The following GRIK2 variants were observed in gnomAD, a reference collection of about 807,000 sequenced individuals.
GRIK2 encodes glutamate ionotropic receptor kainate type subunit 2.
In GRIK2, 32 loss-of-function variants were observed where a neutral mutation model predicts 100.3. The ratio of observed to expected loss-of-function variants is 0.32; its 90% confidence interval spans 0.24 to 0.43. The LOEUF (loss-of-function observed/expected upper bound fraction) is 0.43, where lower values mean the gene tolerates loss of function less well. GRIK2 is among the 20% of genes least tolerant of loss of function. The pLI is 1.00. For synonymous variants in GRIK2, 417 were observed against 389.4 expected (o/e 1.07, Z -0.83); for missense variants, 843 against 1,114.9 (o/e 0.76, Z 3.47).
At chr6:101,767,753 G>A (rs1308962658) in intron 7 of GRIK2, among the ~76,000 whole-genome samples, 3 of 151,954 alleles carry the variant, frequency 2.0e-5, no homozygotes, top group African/African-American at 7.3e-5. Context: ...ATATAATTCT[G>A]TACTATTACA....
intron 2 of GRIK2, among the ~76,000 whole-genome samples, chr6:101,561,811 T>C (rs964002255): frequency 6.6e-6 from 1 of 152,092 alleles, no homozygotes; most frequent in African/African-American, 2.4e-5. Flanking sequence ...ACAAAAATAT[T>C]TTGGACAAAG....
At chr6:101,546,848 G>GTTTTTTTTTTTTT (rs1562216462) in intron 2 of GRIK2, among the ~76,000 whole-genome samples, 1 of 77,310 alleles carries the variant, frequency 1.3e-5, no homozygotes, top group African/African-American at 4.9e-5. Flanking sequence ...TTTTTTTTTT[G>GTTTTTTTTTTTTT]GAGACGGAGT....
chr6:101,480,389 G>A (rs1289274248), intron 2 of GRIK2, among the ~76,000 whole-genome samples: 1 of 151,990 alleles, frequency 6.6e-6, no homozygotes, highest in Non-Finnish European at 1.5e-5. Flanking sequence ...AAACTTCATA[G>A]CATTCCATTG....
chr6:101,739,560 C>T (rs1487636901), intron 7 of GRIK2, among the ~76,000 whole-genome samples: 1 of 152,054 alleles, frequency 6.6e-6, no homozygotes, highest in African/African-American at 2.4e-5. Context: ...GACTAGTCTA[C>T]CTTCTTAATT....
At position 102,053,115 on chromosome 6, in the gene GRIK2, T is replaced by C. The variant is rs62423100; in HGVS notation, c.2312-2215T>C. 5.1e-4 allele frequency among the ~76,000 whole-genome samples: 56 copies of C among 109,922 alleles called. 1 individual carries two copies. The highest frequency in any genetic ancestry group is 0.011 in the Middle Eastern group (2 of 188). 72.1% of individuals were successfully genotyped at this position (109,922 alleles called of 152,430 possible). ...CAACACACACACACACACACACACATACATACACACACAAAGAAAAGAAAT... is the reference window on the plus strand; with the variant it reads ...CAACACACACACACACACACACACACACATACACACACAAAGAAAAGAAAT... On this transcript the variant is annotated intron_variant, in intron 15 of 16. Transcript: ENST00000369134.
At chr6:101,802,306 TATCA>T in intron 8 of GRIK2, 21 bp from the exon 9 acceptor site, 4 of 928,046 alleles carry the variant, frequency 4.3e-6, no homozygotes, top group Middle Eastern at 2.3e-4. Flanking sequence ...ACTTATTTAT[TATCA>T]ATGTTTTTCT....
At chr6:101,980,062 G>T (rs1468767971) in intron 14 of GRIK2, among the ~76,000 whole-genome samples, 1 of 151,816 alleles carries the variant, frequency 6.6e-6, no homozygotes, top group Non-Finnish European at 1.5e-5. Flanking sequence ...ACATTTTTTC[G>T]AAAGGATGCT....
chr6:101,799,567 C>T (rs1583175420), intron 7 of GRIK2, 81 bp from the exon 8 acceptor site: 2 of 1,049,950 alleles, frequency 1.9e-6, no homozygotes, highest in East Asian at 4.7e-5. Context: ...CTTACCTCTT[C>T]CCTCTTCCTC....
At chr6:101,827,469 T>TA (rs1348784860) in intron 10 of GRIK2, among the ~76,000 whole-genome samples, 5 of 146,060 alleles carry the variant, frequency 3.4e-5, no homozygotes, top group African/African-American at 8.2e-5. Flanking sequence ...CACATTGGAT[T>TA]AAAAAAACAA....
intron 10 of GRIK2, 135 bp from the exon 11 acceptor site, chr6:101,859,146 TTAATTA>T: frequency 1.7e-6 from 1 of 572,750 alleles, no homozygotes; most frequent in Non-Finnish European, 3.1e-6. Flanking sequence ...CTAGACTTCA[TTAATTA>T]TAATTAGAAG....
chr6:101,813,166 C>T (rs1781441406), intron 9 of GRIK2, among the ~76,000 whole-genome samples: 1 of 151,844 alleles, frequency 6.6e-6, no homozygotes, highest in South Asian at 2.1e-4. Context: ...CACACATATA[C>T]ACACACATAT....
intron 9 of GRIK2, among the ~76,000 whole-genome samples, chr6:101,805,790 G>A (rs1049155093): frequency 2.7e-4 from 41 of 152,030 alleles, no homozygotes; most frequent in African/African-American, 8.9e-4. Flanking sequence ...CATAATGTTC[G>A]GAAACATGAA....
chr6:101,900,158 A>G (rs1787746780), intron 12 of GRIK2, among the ~76,000 whole-genome samples: 1 of 152,138 alleles, frequency 6.6e-6, no homozygotes, highest in Non-Finnish European at 1.5e-5. Flanking sequence ...TCATCCACCT[A>G]AGAATTTAAA....
At chr6:101,927,141 C>G (rs1020351623) in intron 13 of GRIK2, among the ~76,000 whole-genome samples, 5 of 151,924 alleles carry the variant, frequency 3.3e-5, no homozygotes, top group Non-Finnish European at 5.9e-5. Context: ...CCAAGTTTGT[C>G]TGCTTTTAAA....
At chr6:101,590,045 T>G (rs1162054346) in intron 2 of GRIK2, among the ~76,000 whole-genome samples, 1 of 152,142 alleles carries the variant, frequency 6.6e-6, no homozygotes, top group Non-Finnish European at 1.5e-5. Flanking sequence ...TTTTCCTGTC[T>G]ATGGAATATA....
chr6:101,904,750 C>A (rs563662099), intron 12 of GRIK2, among the ~76,000 whole-genome samples: 6 of 151,548 alleles, frequency 4.0e-5, no homozygotes, highest in South Asian at 2.1e-4. Flanking sequence ...AGTATTATTA[C>A]CTTCTGTGGT....
chr6:101,826,255 G>A (rs1054809511), intron 10 of GRIK2, among the ~76,000 whole-genome samples: 3 of 152,046 alleles, frequency 2.0e-5, no homozygotes, highest in African/African-American at 7.2e-5. Context: ...ATTATTTTTA[G>A]AGTCTGCTTT....
At chr6:101,595,128 C>T (rs959057400) in intron 2 of GRIK2, among the ~76,000 whole-genome samples, 2 of 150,666 alleles carry the variant, frequency 1.3e-5, no homozygotes, top group East Asian at 3.9e-4. Flanking sequence ...CCACTTTTGA[C>T]AATGTGATGA....
chr6:101,815,996 TGAAACTAGAGAAGTATTTTCA>T (rs1387941656), intron 9 of GRIK2, among the ~76,000 whole-genome samples: 1 of 152,140 alleles, frequency 6.6e-6, no homozygotes, highest in Non-Finnish European at 1.5e-5. Flanking sequence ...TAACCAATAA[TGAAACTAGAGAAGTATTTTCA>T]GATGGTAAGT....
Sources: gnomAD v4.1 joint callset for allele counts (sites outside exome capture counted in the v4.1 genomes callset) on GRCh38, gnomAD v4.1.1 for gene constraint, MANE v1.5 for transcripts, NCBI Gene and HGNC (gene_info 2026-07-23, HGNC 2026-07-21) for gene names.